The following GSAP variants were observed in gnomAD, a reference collection of about 807,000 sequenced individuals.
The protein encoded by GSAP is gamma-secretase activating protein, also known as gamma-secretase-activating protein.
Under a neutral mutation model 131.7 loss-of-function variants are expected in GSAP, and 118 were observed. The observed-to-expected ratio is 0.90, with a 90% confidence interval of 0.77 to 1.04. The LOEUF is 1.04. GSAP is among the 50% of genes least tolerant of loss of function. The pLI, the probability that GSAP is intolerant of heterozygous loss-of-function variation, is 0.00. For synonymous variants in GSAP, 381 were observed against 363.4 expected (o/e 1.05, Z -0.55); for missense variants, 1,019 against 1,013.2 (o/e 1.01, Z -0.08).
intron 11 of GSAP, 24 bp downstream of exon 11, chr7:77,375,034 A>G (rs751433653): frequency 3.6e-5 from 42 of 1,160,668 alleles, no homozygotes; most frequent in Non-Finnish European, 5.1e-5. Flanking sequence ...TATAAAAATT[A>G]GTAACAACCT....
chr7:77,368,888 T>TA (rs1795716589), intron 12 of GSAP, among the ~76,000 whole-genome samples: 1 of 152,204 alleles, frequency 6.6e-6, no homozygotes, highest in Non-Finnish European at 1.5e-5. Flanking sequence ...TGCTGCTATT[T>TA]ACAAGCTGGG....
chr7:77,382,795 C>A (rs1584634682), intron 6 of GSAP, 152 bp from the exon 7 acceptor site: 2 of 535,472 alleles, frequency 3.7e-6, no homozygotes, highest in East Asian at 5.6e-5. Flanking sequence ...ACACACATTG[C>A]AGGTCAAAGC....
At chr7:77,353,533 C>T (rs773388384) in intron 17 of GSAP, 39 bp downstream of exon 17, 2 of 1,386,686 alleles carry the variant, frequency 1.4e-6, no homozygotes, top group Non-Finnish European at 2.0e-6. Context: ...GCAAAAAGGT[C>T]AAGTATTCAA....
intron 3 of GSAP, among the ~76,000 whole-genome samples, chr7:77,402,499 G>C (rs567686214): frequency 6.8e-6 from 1 of 147,312 alleles, no homozygotes; most frequent in South Asian, 2.1e-4. Flanking sequence ...GGACGCTGAG[G>C]CAGGAGATTT....
intron 1 of GSAP, among the ~76,000 whole-genome samples, chr7:77,407,359 T>C (rs1301018559): frequency 6.6e-6 from 1 of 152,210 alleles, no homozygotes; most frequent in African/African-American, 2.4e-5. Context: ...GAAGATATGT[T>C]TTATAAGCAG....
intron 28 of GSAP, among the ~76,000 whole-genome samples, chr7:77,312,591 G>C (rs1169713192): frequency 6.6e-6 from 1 of 152,152 alleles, no homozygotes; most frequent in East Asian, 1.9e-4. Flanking sequence ...TTCCCTAAGA[G>C]TACTGGGGAA....
chr7:77,378,948 T>G (rs1797380192), intron 8 of GSAP, among the ~76,000 whole-genome samples: 1 of 152,146 alleles, frequency 6.6e-6, no homozygotes, highest in Non-Finnish European at 1.5e-5. Context: ...TCCCTAATCC[T>G]AATAGGGATT....
chr7:77,383,618 C>T (rs1798103034), intron 6 of GSAP, among the ~76,000 whole-genome samples: 1 of 152,190 alleles, frequency 6.6e-6, no homozygotes, highest in African/African-American at 2.4e-5. Flanking sequence ...CACTATGTGT[C>T]TGTTTGCAGG....
At chr7:77,376,295 T>C (rs1372441904) in intron 10 of GSAP, among the ~76,000 whole-genome samples, 2 of 152,180 alleles carry the variant, frequency 1.3e-5, no homozygotes, top group Non-Finnish European at 2.9e-5. Context: ...ACATTTTTCT[T>C]TGATGTGAAG....
chr7:77,327,201 T>C (rs1239141200), intron 22 of GSAP: 3 of 152,236 alleles, frequency 2.0e-5, no homozygotes, highest in Admixed American at 2.0e-4. Flanking sequence ...GGGAAGAGTT[T>C]CCTAAAGTGC....
intron 18 of GSAP, among the ~76,000 whole-genome samples, chr7:77,350,074 C>G (rs927727047): frequency 6.6e-6 from 1 of 151,902 alleles, no homozygotes; most frequent in African/African-American, 2.4e-5. Context: ...TATACAACAC[C>G]ATGGAATACT....
chr7:77,398,950 A>G (rs997228896), intron 3 of GSAP, among the ~76,000 whole-genome samples: 1 of 152,222 alleles, frequency 6.6e-6, no homozygotes, highest in African/African-American at 2.4e-5. Flanking sequence ...TTTTTCATGT[A>G]ACAACATGTT....
chr7:77,326,166 A>G lies in GSAP; in HGVS notation c.1827+46T>C, dbSNP rs764215742. On this transcript the variant is annotated intron_variant, in intron 23 of 30. Transcript: ENST00000257626. ...CACTGTAATCCTTTCCCCTTGTCTT[A>G]GGGTTCCTTGTTTGCCAGCCCCTAA... 5 of 1,234,700 alleles carry G rather than the reference A, an allele frequency of 4.0e-6. No individual in the cohort carries two copies. The South Asian group carries it at 6.3e-5, about 16-fold the overall frequency. The allele number at this position is 1,234,700 out of a possible 1,614,324, so 76.5% of individuals were successfully genotyped here.
intron 19 of GSAP, among the ~76,000 whole-genome samples, chr7:77,340,253 T>C (rs998698634): frequency 6.6e-6 from 1 of 151,806 alleles, no homozygotes; most frequent in African/African-American, 2.4e-5. Context: ...GTCCCACCCC[T>C]CTATCTCCTT....
chr7:77,360,557 A>G (rs1271720141), intron 14 of GSAP, among the ~76,000 whole-genome samples: 1 of 152,214 alleles, frequency 6.6e-6, no homozygotes, highest in African/African-American at 2.4e-5. Context: ...GGCTGCTACC[A>G]AAAAACATAA....
chr7:77,365,462 TGTAA>T (rs1247034257), intron 12 of GSAP, among the ~76,000 whole-genome samples: 2 of 152,184 alleles, frequency 1.3e-5, no homozygotes, highest in African/African-American at 2.4e-5. Flanking sequence ...AGCTCCTACC[TGTAA>T]GTGAGAACAC....
chr7:77,393,216 C>T (rs1319275780), intron 5 of GSAP, among the ~76,000 whole-genome samples: 2 of 152,164 alleles, frequency 1.3e-5, no homozygotes, highest in Non-Finnish European at 2.9e-5. Context: ...ATCTTATAAT[C>T]AAATGGCTTG....
chr7:77,360,168 A>C (rs1794322756), intron 14 of GSAP, among the ~76,000 whole-genome samples: 1 of 152,244 alleles, frequency 6.6e-6, no homozygotes, highest in Admixed American at 6.5e-5. Flanking sequence ...CTCCTTTTTT[A>C]AAGGAAATGT....
chr7:77,323,172 G>A (rs1035986661), intron 24 of GSAP, among the ~76,000 whole-genome samples: 1 of 152,160 alleles, frequency 6.6e-6, no homozygotes, highest in Non-Finnish European at 1.5e-5. Context: ...CAAAATTTCA[G>A]TAAGTGGCTA....
Sources: allele counts gnomAD v4.1 joint callset (sites outside exome capture counted in the v4.1 genomes callset), GRCh38; gene constraint gnomAD v4.1.1; transcripts MANE v1.5; gene names NCBI Gene and HGNC (gene_info 2026-07-23, HGNC 2026-07-21).